The following GAB2 variants were observed in gnomAD, a reference collection of about 807,000 sequenced individuals.
GAB2 encodes GRB2 associated binding protein 2.
A neutral mutation model predicts 65.5 loss-of-function variants in GAB2; 26 were observed. The ratio of observed to expected loss-of-function variants is 0.40; its 90% CI spans 0.29 to 0.55. GAB2 has a LOEUF of 0.55. Among genes scored for constraint, GAB2 ranks in the 20% least tolerant of loss-of-function variants. The probability of loss-of-function intolerance (pLI) is 0.53; values close to 1 mark genes in which losing one functional copy is unlikely to be tolerated. For missense variants in GAB2, 884 were observed against 875.8 expected, an observed-to-expected ratio of 1.01 and a Z score of -0.12; for synonymous variants, 321 against 329.6, an observed-to-expected ratio of 0.97 and a Z score of 0.28.
At chr11:78,299,981 C>G (rs1443232238) in intron 1 of GAB2, among the ~76,000 whole-genome samples, 2 of 151,944 alleles carry the variant, frequency 1.3e-5, no homozygotes, top group Admixed American at 1.3e-4. Context: ...ATTTAGATAA[C>G]GTAAAATGCA....
intron 1 of GAB2, among the ~76,000 whole-genome samples, chr11:78,397,716 T>C (rs958017529): frequency 4.6e-5 from 7 of 152,214 alleles, no homozygotes; most frequent in Admixed American, 6.5e-5. Context: ...ATGTACTGCC[T>C]GGCAGTACAT....
At chr11:78,315,137 G>A (rs1467058742) in intron 1 of GAB2, among the ~76,000 whole-genome samples, 1 of 152,202 alleles carries the variant, frequency 6.6e-6, no homozygotes, top group East Asian at 1.9e-4. Context: ...TAAAAGGGCA[G>A]GGGGGAGGAG....
chr11:78,254,987 T>C (rs943925416), intron 2 of GAB2, among the ~76,000 whole-genome samples: 1 of 151,998 alleles, frequency 6.6e-6, no homozygotes, highest in African/African-American at 2.4e-5. Flanking sequence ...CCAAAACTCA[T>C]GTCTACCTGG....
At chr11:78,416,745 C>T (rs1423411034) in intron 1 of GAB2, among the ~76,000 whole-genome samples, 1 of 151,422 alleles carries the variant, frequency 6.6e-6, no homozygotes, top group Non-Finnish European at 1.5e-5. Flanking sequence ...GTACTTTGAC[C>T]TCACCAGGCA....
At chr11:78,238,825 T>G (rs1865056787) in intron 3 of GAB2, among the ~76,000 whole-genome samples, 1 of 152,080 alleles carries the variant, frequency 6.6e-6, no homozygotes, top group South Asian at 2.1e-4. Context: ...AAAGAACATA[T>G]CAGCAGAGTA....
chr11:78,349,092 C>T (rs1369761318), intron 1 of GAB2, among the ~76,000 whole-genome samples: 1 of 152,176 alleles, frequency 6.6e-6, no homozygotes, highest in Non-Finnish European at 1.5e-5. Context: ...TCTACATCTT[C>T]AATGTAGTAC....
At chr11:78,364,869 A>T (rs1856477985) in intron 1 of GAB2, among the ~76,000 whole-genome samples, 1 of 152,220 alleles carries the variant, frequency 6.6e-6, no homozygotes, top group African/African-American at 2.4e-5. Context: ...AATGTTGGGA[A>T]AAGCTTCCCA....
At chr11:78,290,138 A>T (rs1164736331) in intron 1 of GAB2, among the ~76,000 whole-genome samples, 2 of 152,228 alleles carry the variant, frequency 1.3e-5, no homozygotes, top group Non-Finnish European at 2.9e-5. Flanking sequence ...AAAACAATTA[A>T]GAAGCTGTTG....
intron 3 of GAB2, among the ~76,000 whole-genome samples, chr11:78,230,443 A>C (rs1864807522): frequency 6.6e-6 from 1 of 152,220 alleles, no homozygotes; most frequent in Non-Finnish European, 1.5e-5. Flanking sequence ...CACTCTACAA[A>C]GGTATTACAG....
At chr11:78,391,503 T>G (rs1263936570) in intron 1 of GAB2, among the ~76,000 whole-genome samples, 1 of 152,188 alleles carries the variant, frequency 6.6e-6, no homozygotes, top group Non-Finnish European at 1.5e-5. Flanking sequence ...TCTTGGCCAC[T>G]AAGACATTCA....
chr11:78,308,240 A>G (rs1275989449), intron 1 of GAB2, among the ~76,000 whole-genome samples: 1 of 152,192 alleles, frequency 6.6e-6, no homozygotes, highest in Non-Finnish European at 1.5e-5. Context: ...TTGAAAGAGT[A>G]GAAAGACAGT....
intron 1 of GAB2, among the ~76,000 whole-genome samples, chr11:78,376,730 G>T (rs1452238714): frequency 2.0e-5 from 3 of 152,064 alleles, no homozygotes; most frequent in Non-Finnish European, 2.9e-5. Context: ...TTGGAGGGGG[G>T]CACCGAGACT....
At chr11:78,336,119 G>C (rs541844119) in intron 1 of GAB2, among the ~76,000 whole-genome samples, 1 of 151,896 alleles carries the variant, frequency 6.6e-6, no homozygotes, top group Admixed American at 6.6e-5. Context: ...TTCAATACCA[G>C]CCTGGCTGAC....
chr11:78,226,955 G>A lies in GAB2; in HGVS notation c.717C>T (p.Asn239=), dbSNP rs141118773. The A allele has an allele frequency of 2.8e-5, 45 of 1,613,310 alleles. No homozygotes were observed. The African/African-American group carries it at 5.2e-4, about 19-fold the overall frequency. The change falls in exon 4 of 10, where the codon AAC becomes AAT. Residue 239 remains asparagine (N), a synonymous_variant. Transcript: ENST00000361507. ...KLAQGNGHCV[N]GISGQVHGFY... ...AGCCATGGACTTGACCACTGATCCC[G>A]TTGACACAGTGTCCATTGCCCTGGG...
chr11:78,323,645 G>A (rs1351536200), intron 1 of GAB2, among the ~76,000 whole-genome samples: 1 of 152,026 alleles, frequency 6.6e-6, no homozygotes, highest in Non-Finnish European at 1.5e-5. Flanking sequence ...AAAAGGTCGG[G>A]GGAGGGAGGA....
intron 1 of GAB2, among the ~76,000 whole-genome samples, chr11:78,416,863 G>C (rs984918294): frequency 6.6e-6 from 1 of 151,376 alleles, no homozygotes; most frequent in East Asian, 2.0e-4. Context: ...TCCCCACCTA[G>C]AGGGAAAAGG....
chr11:78,238,236 G>T (rs1264668692), intron 3 of GAB2, among the ~76,000 whole-genome samples: 1 of 149,438 alleles, frequency 6.7e-6, no homozygotes, highest in Non-Finnish European at 1.5e-5. Context: ...AGAAAATGTG[G>T]CAGAAAAAGA....
At chr11:78,417,379 G>T (rs1213740579) in intron 1 of GAB2, among the ~76,000 whole-genome samples, 1 of 152,068 alleles carries the variant, frequency 6.6e-6, no homozygotes, top group East Asian at 1.9e-4. Context: ...TTTAGTTCAC[G>T]AGCAGACCGG....
chr11:78,238,112 C>G (rs1012253855), intron 3 of GAB2, among the ~76,000 whole-genome samples: 2 of 147,922 alleles, frequency 1.4e-5, no homozygotes, highest in East Asian at 4.0e-4. Flanking sequence ...TTGATCTGTG[C>G]AGTAAACTAC....
Sources: allele counts gnomAD v4.1 joint callset (sites outside exome capture counted in the v4.1 genomes callset), GRCh38; gene constraint gnomAD v4.1.1; transcripts MANE v1.5; gene names NCBI Gene and HGNC (gene_info 2026-07-23, HGNC 2026-07-21).